The following FTO variants were observed in gnomAD, a reference collection of about 807,000 sequenced individuals.
FTO encodes FTO alpha-ketoglutarate dependent dioxygenase, also known as alpha-ketoglutarate-dependent dioxygenase FTO.
In FTO, 47 loss-of-function variants were observed where a neutral mutation model predicts 63.9. The observed-to-expected ratio is 0.74, with a 90% CI of 0.58 to 0.94. The LOEUF is 0.94. Ranked by LOEUF, FTO falls within the 40% of genes least tolerant of loss-of-function variation. The probability of loss-of-function intolerance (pLI) is 0.00; values close to 1 mark genes in which losing one functional copy is unlikely to be tolerated. For synonymous variants in FTO, 207 were observed against 224.4 expected, an observed-to-expected ratio of 0.92 and a Z score of 0.69; for missense variants, 562 against 618.1, an observed-to-expected ratio of 0.91 and a Z score of 0.96.
chr16:53,889,097 G>A, intron 7 of FTO, 146 bp downstream of exon 7: 3 of 966,876 alleles, frequency 3.1e-6, no homozygotes, highest in South Asian at 1.4e-5. Flanking sequence ...GGTATAGCCA[G>A]GATTTTGTCA....
chr16:53,949,801 G>A (rs906185121), intron 8 of FTO, among the ~76,000 whole-genome samples: 1 of 152,010 alleles, frequency 6.6e-6, no homozygotes, highest in African/African-American at 2.4e-5. Flanking sequence ...TGCCTTGGCA[G>A]CCTTTTGGAT....
At chr16:53,808,287 T>TG (rs2078423932) in intron 1 of FTO, among the ~76,000 whole-genome samples, 1 of 151,962 alleles carries the variant, frequency 6.6e-6, no homozygotes, top group Non-Finnish European at 1.5e-5. Context: ...TGAGCTGTGA[T>TG]TGGGCCACTA....
chr16:54,075,481 G>A (rs2085972841), intron 8 of FTO, among the ~76,000 whole-genome samples: 1 of 152,070 alleles, frequency 6.6e-6, no homozygotes, highest in African/African-American at 2.4e-5. Context: ...CAGATCAACT[G>A]AGCAATTAAA....
intron 1 of FTO, among the ~76,000 whole-genome samples, chr16:53,789,943 T>C (rs1480363252): frequency 1.4e-5 from 2 of 148,138 alleles, no homozygotes; most frequent in Non-Finnish European, 3.0e-5. Flanking sequence ...TACACAAAAA[T>C]TATAACACAA....
intron 7 of FTO, among the ~76,000 whole-genome samples, chr16:53,926,165 G>A (rs1030446026): frequency 2.6e-5 from 4 of 152,106 alleles, no homozygotes; most frequent in South Asian, 2.1e-4. Flanking sequence ...TTTTAGGCAC[G>A]TCCATCCAAA....
intron 2 of FTO, among the ~76,000 whole-genome samples, chr16:53,815,398 C>G (rs1476934216): frequency 2.0e-5 from 3 of 152,080 alleles, no homozygotes; most frequent in Non-Finnish European, 2.9e-5. Context: ...TAGAATCTCT[C>G]AAATTGTTTT....
intron 1 of FTO, among the ~76,000 whole-genome samples, chr16:53,791,496 G>A (rs2077909358): frequency 6.6e-6 from 1 of 152,120 alleles, no homozygotes; most frequent in Non-Finnish European, 1.5e-5. Flanking sequence ...CTGGTCCTTC[G>A]TTATTATGTC....
chr16:53,880,315 A>G (rs1348543224), intron 6 of FTO, among the ~76,000 whole-genome samples: 1 of 152,170 alleles, frequency 6.6e-6, no homozygotes, highest in Non-Finnish European at 1.5e-5. Context: ...AAGAATTGTG[A>G]AAGATCTGAG....
chr16:53,911,308 G>T (rs1212460703), intron 7 of FTO: 2 of 696,600 alleles, frequency 2.9e-6, no homozygotes, highest in African/African-American at 1.7e-5. Context: ...AAGGACAGGC[G>T]CAGAACAGTC....
chr16:53,832,712 C>G (rs979348166), intron 3 of FTO, among the ~76,000 whole-genome samples: 10 of 152,142 alleles, frequency 6.6e-5, no homozygotes, highest in African/African-American at 2.4e-4. Flanking sequence ...AGCTCATTCC[C>G]TTGTATCCTT....
chr16:53,843,150 C>G (rs975904924), intron 3 of FTO, among the ~76,000 whole-genome samples: 23 of 152,172 alleles, frequency 1.5e-4, no homozygotes, highest in Non-Finnish European at 2.5e-4. Flanking sequence ...TGAGTAATTT[C>G]TGATCTTTTG....
intron 7 of FTO, among the ~76,000 whole-genome samples, chr16:53,926,575 A>C (rs1398799948): frequency 6.6e-6 from 1 of 152,266 alleles, no homozygotes; most frequent in African/African-American, 2.4e-5. Context: ...ATGGTGGTGC[A>C]TAAAGAGAAT....
chr16:53,831,027 C>T (rs1317723980), intron 3 of FTO, among the ~76,000 whole-genome samples: 1 of 152,108 alleles, frequency 6.6e-6, no homozygotes, highest in Non-Finnish European at 1.5e-5. Flanking sequence ...TCTTGGAATT[C>T]TAGGATTTCC....
intron 8 of FTO, chr16:53,937,631 G>A (rs8048879): frequency 0.037 from 6,456 of 176,184 alleles, 451 homozygotes; most frequent in African/African-American, 0.14. Context: ...GGGGCCCGGC[G>A]TATTAGGTTT....
chr16:53,751,456 T>TC (rs2076792040), intron 1 of FTO, among the ~76,000 whole-genome samples: 1 of 151,260 alleles, frequency 6.6e-6, no homozygotes, highest in Admixed American at 6.6e-5. Context: ...AGACTCCATC[T>TC]CAAAAAAAAA....
chr16:53,760,580 A>G (rs866209572), intron 1 of FTO, among the ~76,000 whole-genome samples: 1 of 137,856 alleles, frequency 7.3e-6, no homozygotes, highest in African/African-American at 2.7e-5. Context: ...ATTACTTGCC[A>G]TTCCTTTTTC....
At position 53,882,330 on chromosome 16, in the gene FTO, C is replaced by T. The variant is rs374571165; in HGVS notation, c.1119+2343C>T. On this transcript the variant is annotated intron_variant, in intron 6 of 8. Transcript: ENST00000471389. Reference sequence around the variant, plus strand: ...GATGGTAAGTAATACACTTAACACACTGGTAAATTATACAGTATGTTAGAA... The same window carrying T: ...GATGGTAAGTAATACACTTAACACATTGGTAAATTATACAGTATGTTAGAA... Among the ~76,000 whole-genome samples the T allele has an allele frequency of 2.0e-5, 3 of 150,232 alleles. No homozygotes were observed. In the East Asian group the frequency reaches 5.8e-4, roughly 29 times the overall value.
intron 8 of FTO, among the ~76,000 whole-genome samples, chr16:54,048,399 C>A (rs2085235449): frequency 6.6e-6 from 1 of 151,874 alleles, no homozygotes; most frequent in Non-Finnish European, 1.5e-5. Flanking sequence ...ATCATGTGCT[C>A]AGTGAAGGCA....
At chr16:53,735,958 C>T (rs896497250) in intron 1 of FTO, among the ~76,000 whole-genome samples, 7 of 152,094 alleles carry the variant, frequency 4.6e-5, no homozygotes, top group Non-Finnish European at 8.8e-5. Flanking sequence ...GCTTTAGTTT[C>T]TTACTCTATA....
Sources: gnomAD v4.1 joint callset for allele counts (sites outside exome capture counted in the v4.1 genomes callset) on GRCh38, gnomAD v4.1.1 for gene constraint, MANE v1.5 for transcripts, NCBI Gene and HGNC (gene_info 2026-07-23, HGNC 2026-07-21) for gene names.